Variants in FILIP1 observed in about 807,000 individuals in gnomAD.
The protein encoded by FILIP1 is filamin A interacting protein 1.
Under a neutral mutation model 102.1 loss-of-function variants are expected in FILIP1, and 61 were observed. The observed-to-expected ratio is 0.60, with a 90% confidence interval of 0.49 to 0.74. The LOEUF (loss-of-function observed/expected upper bound fraction) is 0.74. FILIP1 is among the 30% of genes least tolerant of loss of function. FILIP1 has a pLI of 0.00. For missense variants in FILIP1, 1,314 were observed against 1,441.2 expected, an observed-to-expected ratio of 0.91 and a Z score of 1.43; for synonymous variants, 491 against 526.9, an observed-to-expected ratio of 0.93 and a Z score of 0.93.
intron 1 of FILIP1, among the ~76,000 whole-genome samples, chr6:75,426,459 T>C (rs555160322): frequency 2.0e-5 from 3 of 152,034 alleles, no homozygotes; most frequent in African/African-American, 4.8e-5. Flanking sequence ...TATGTGACTG[T>C]AGAAAGGAGG....
intron 2 of FILIP1, among the ~76,000 whole-genome samples, chr6:75,380,800 A>G (rs1775885735): frequency 1.3e-5 from 2 of 152,202 alleles, no homozygotes; most frequent in South Asian, 4.1e-4. Context: ...CTTATTATAA[A>G]TATTTAAAGT....
At chr6:75,421,674 A>C (rs534266941) in intron 1 of FILIP1, among the ~76,000 whole-genome samples, 14 of 151,918 alleles carry the variant, frequency 9.2e-5, no homozygotes, top group Non-Finnish European at 1.9e-4. Flanking sequence ...AGTTTGTATC[A>C]CCCATTTAGG....
At chr6:75,424,622 A>G (rs757388265) in intron 1 of FILIP1, among the ~76,000 whole-genome samples, 5 of 152,200 alleles carry the variant, frequency 3.3e-5, no homozygotes, top group African/African-American at 4.8e-5. Context: ...TAATTATTCT[A>G]TTAAGCCAAC....
chr6:75,467,505 T>C (rs1053590815), intron 1 of FILIP1, among the ~76,000 whole-genome samples: 1 of 152,208 alleles, frequency 6.6e-6, no homozygotes, highest in Non-Finnish European at 1.5e-5. Flanking sequence ...CTTCATACAG[T>C]GAGCAGCATA....
intron 2 of FILIP1, among the ~76,000 whole-genome samples, chr6:75,390,556 G>C (rs1776250829): frequency 6.6e-6 from 1 of 152,046 alleles, no homozygotes; most frequent in Non-Finnish European, 1.5e-5. Context: ...AGGAGCAAGA[G>C]AGCAAGGCGA....
chr6:75,452,100 G>GTTTT (rs35845880), intron 1 of FILIP1, among the ~76,000 whole-genome samples: 1 of 146,760 alleles, frequency 6.8e-6, no homozygotes, highest in Non-Finnish European at 1.5e-5. Context: ...TTCTACCAAA[G>GTTTT]TTTTTTTTTT....
downstream of FILIP1, among the ~76,000 whole-genome samples, chr6:75,304,963 C>G (rs1451759864): frequency 6.6e-6 from 1 of 152,094 alleles, no homozygotes; most frequent in Non-Finnish European, 1.5e-5. Flanking sequence ...AATAGCTCAC[C>G]TGGGCATGGA....
At chr6:75,383,137 G>C (rs1235765629) in intron 2 of FILIP1, among the ~76,000 whole-genome samples, 2 of 152,122 alleles carry the variant, frequency 1.3e-5, no homozygotes, top group Non-Finnish European at 2.9e-5. Flanking sequence ...GGACACTGTA[G>C]ATGTCATAAG....
intron 2 of FILIP1, among the ~76,000 whole-genome samples, chr6:75,364,068 T>A (rs1240840653): frequency 1.3e-5 from 2 of 152,232 alleles, no homozygotes; most frequent in Non-Finnish European, 2.9e-5. Context: ...TCCAAATTAA[T>A]CTAATTCCAT....
At chr6:75,450,562 T>C (rs1421045492) in intron 1 of FILIP1, among the ~76,000 whole-genome samples, 1 of 151,408 alleles carries the variant, frequency 6.6e-6, no homozygotes, top group Non-Finnish European at 1.5e-5. Context: ...GATGAGAGGA[T>C]TGCTTGAGCC....
intron 2 of FILIP1, among the ~76,000 whole-genome samples, chr6:75,375,950 A>G (rs1282678176): frequency 1.3e-5 from 2 of 152,212 alleles, no homozygotes; most frequent in Admixed American, 1.3e-4. Flanking sequence ...ACTTTTACAA[A>G]AAAATCAGAG....
chr6:75,467,509 C>T (rs192266543), intron 1 of FILIP1, among the ~76,000 whole-genome samples: 3 of 152,298 alleles, frequency 2.0e-5, no homozygotes, highest in East Asian at 3.9e-4. Context: ...ATACAGTGAG[C>T]AGCATACACA....
At chr6:75,399,365 T>C (rs1246059950) in intron 2 of FILIP1, 2 of 149,962 alleles carry the variant, frequency 1.3e-5, no homozygotes, top group Admixed American at 6.8e-5. Context: ...TGTTTCCTCT[T>C]CTTATCTGTG....
chr6:75,450,804 A>AG lies in FILIP1; in HGVS notation c.-6-35827_-6-35826insC, dbSNP rs1778604797. On this transcript the variant is annotated intron_variant, in intron 1 of 5. Coordinates refer to ENST00000237172, the MANE Select transcript of FILIP1 (RefSeq NM_015687.5). ...AACCATGTCTCTACTAAAAATACAA[A>AG]ATTAGCCGGGCATGGTGGTGCATGC... Among the ~76,000 whole-genome samples, 4 of 151,946 alleles carry AG rather than the reference A, an allele frequency of 2.6e-5. No individual in the cohort carries two copies. In the South Asian group the frequency reaches 8.3e-4, roughly 32 times the overall value.
rs1041259753 is a variant in FILIP1 at position 75,438,834 on chromosome 6, A to G, written c.-6-23856T>C. Among the ~76,000 whole-genome samples, 5 of 152,296 alleles carry G rather than the reference A, an allele frequency of 3.3e-5. No homozygotes were observed. The South Asian group carries it at 1.0e-3, about 32-fold the overall frequency. On this transcript the variant is annotated intron_variant, in intron 1 of 5. Coordinates refer to ENST00000237172, the MANE Select transcript of FILIP1 (RefSeq NM_015687.5). ...ACTAGAATGTTGCTTCTACTCATGGACTCTTTATTAAGATGAGGAATTGAC... is the reference window on the plus strand; with the variant it reads ...ACTAGAATGTTGCTTCTACTCATGGGCTCTTTATTAAGATGAGGAATTGAC...
chr6:75,391,874 C>T (rs1321194320), intron 2 of FILIP1, among the ~76,000 whole-genome samples: 1 of 152,114 alleles, frequency 6.6e-6, no homozygotes, highest in Non-Finnish European at 1.5e-5. Context: ...ATCTCTCCCC[C>T]TAAGTGAGTG....
chr6:75,369,859 T>C (rs1582405182), intron 2 of FILIP1, among the ~76,000 whole-genome samples: 1 of 152,324 alleles, frequency 6.6e-6, no homozygotes, highest in East Asian at 1.9e-4. Context: ...GCCAGGCAGC[T>C]TGGGACAGAC....
chr6:75,308,703 C>G lies in FILIP1; in HGVS notation c.3630G>C (p.Gly1210=), dbSNP rs200732415. 2.5e-6 allele frequency: 4 copies of G among 1,612,998 alleles called. No individual in the cohort carries two copies. The Admixed American group carries it at 5.0e-5, about 20-fold the overall frequency. ...SAASSTTSLG[G]GKG ...TTAGCCACTGCCCTCAGCCCTTCCC[C>G]CCTCCGAGAGAGGTGGTGCTGCTGG... The change falls in exon 6 of 6, where the codon GGG becomes GGC. Residue 1210 remains glycine (G), a synonymous_variant. Coordinates refer to ENST00000237172, the MANE Select transcript of FILIP1 (RefSeq NM_015687.5).
rs546619822 is a variant in FILIP1, at chr6:75,374,327, C to G, written c.277-11410G>C. On this transcript the variant is annotated intron_variant, in intron 2 of 5. Transcript: ENST00000237172. ...AGAGCCCTTAAACTGCCCACCTGTA[C>G]GCATAATCAGCAGATAGGGTCCAGC... Among the ~76,000 whole-genome samples the G allele has an allele frequency of 3.3e-5, 5 of 152,192 alleles. No individual in the cohort carries two copies. In the South Asian group the frequency reaches 6.2e-4, roughly 19 times the overall value.
Sources: gnomAD v4.1 joint callset for allele counts (sites outside exome capture counted in the v4.1 genomes callset) on GRCh38, gnomAD v4.1.1 for gene constraint, MANE v1.5 for transcripts, NCBI Gene and HGNC (gene_info 2026-07-23, HGNC 2026-07-21) for gene names.